PUS3: variants seen among roughly 807,000 people sequenced by gnomAD.
The protein encoded by PUS3 is pseudouridine synthase 3, also known as tRNA pseudouridine(38/39) synthase.
In PUS3, 36 loss-of-function variants were observed where a neutral mutation model predicts 43.3. The observed-to-expected ratio is 0.83, with a 90% CI of 0.64 to 1.10. PUS3 has a LOEUF of 1.10. PUS3 is among the 50% of genes least tolerant of loss of function. PUS3 has a pLI of 0.00. For missense variants in PUS3, 544 were observed against 589.9 expected, an observed-to-expected ratio of 0.92 and a Z score of 0.81; for synonymous variants, 183 against 199.2, an observed-to-expected ratio of 0.92 and a Z score of 0.69.
In PUS3 at chr11:125,895,734, A is replaced by C. The variant is rs956739630; in HGVS notation, c.434T>G (p.Phe145Cys). Residue 145 changes from phenylalanine (F) to cysteine (C), a missense_variant, in exon 3 of 4, where the codon TTT becomes TGT. By Grantham distance (205) the Phe-to-Cys change is radical. Transcript: ENST00000227474. The part of the protein sequence containing the change: ...QFPRGRDSED[F>C]NVKEEANAAA... ...AGCATTAGCCTCCTCTTTTACATTA[A>C]AGTCCTCGGAATCCCTGCCCCTTGG... The C allele has an allele frequency of 6.2e-7, 1 of 1,611,888 alleles. No individual in the cohort carries two copies. Among genetic ancestry groups the C allele is most frequent in the African/African-American group, 1.3e-5 (1 of 74,866 alleles).
chr11:125,893,906 A>G lies in PUS3; in HGVS notation c.1325T>C (p.Phe442Ser). The change falls in exon 4 of 4, where the codon TTC becomes TCC. Residue 442 changes from phenylalanine to serine, a missense_variant. Transcript: ENST00000227474. Reference protein sequence around the residue: ...RRGRIEHPHLFHEEETKAKRD... With the variant: ...RRGRIEHPHLSHEEETKAKRD... ...TTTGGCTTTTGTTTCTTCCTCATGGAATAAATGTGGGTGCTCAATTCGTCC... is the reference window on the plus strand; with the variant it reads ...TTTGGCTTTTGTTTCTTCCTCATGGGATAAATGTGGGTGCTCAATTCGTCC... 6.2e-7 allele frequency: 1 copy of G among 1,614,144 alleles called. No homozygotes were observed. The highest frequency in any genetic ancestry group is 8.5e-7 in the Non-Finnish European group (1 of 1,180,020).
chr11:125,902,022 A>G (rs1944786361), intron 1 of PUS3, among the ~76,000 whole-genome samples: 1 of 152,230 alleles, frequency 6.6e-6, no homozygotes, highest in African/African-American at 2.4e-5. Context: ...TCAAAGTCCA[A>G]CATTACCAAA....
chr11:125,897,097 T>G (rs1944612963), intron 1 of PUS3, among the ~76,000 whole-genome samples: 1 of 152,204 alleles, frequency 6.6e-6, no homozygotes, highest in Non-Finnish European at 1.5e-5. Context: ...AGGACAACTG[T>G]ACTACATCCT....
Position 125,903,155 on chromosome 11 carries a change from A to C in PUS3, c.-47+15T>G. On this transcript the variant is annotated intron_variant, in intron 1 of 3. Coordinates refer to ENST00000227474, the MANE Select transcript of PUS3 (RefSeq NM_031307.4). ...GAACCCAGAAAGTAACCCACTCCAA[A>C]AATCCCACACTTACTTTCCGGCAGC... 2.0e-6 allele frequency: 2 copies of C among 984,964 alleles called. No homozygotes were observed. The highest frequency in any genetic ancestry group is 2.4e-6 in the Non-Finnish European group (2 of 829,464). The allele number at this position is 984,964 out of a possible 1,614,324, so 61.0% of individuals were successfully genotyped here.
In PUS3 at chr11:125,893,917, G is replaced by C; in HGVS notation, c.1314C>G (p.His438Gln). 3 of 1,614,084 alleles carry C rather than the reference G, an allele frequency of 1.9e-6. No individual in the cohort carries two copies. In the South Asian group the frequency reaches 3.3e-5, roughly 18 times the overall value. The change falls in exon 4 of 4, where the codon CAC (histidine) becomes CAG (glutamine). Residue 438 changes from histidine to glutamine, a missense_variant. His to Gln is a conservative substitution (Grantham distance 24). Transcript: ENST00000227474. ...TTTCTTCCTCATGGAATAAATGTGG[G>C]TGCTCAATTCGTCCCCTACGTACAA... ...QHFVRRGRIE[H>Q]PHLFHEEETK...
chr11:125,899,395 A>G (rs1380317389), intron 1 of PUS3: 1 of 1,614,148 alleles, frequency 6.2e-7, no homozygotes, highest in South Asian at 1.1e-5. Flanking sequence ...CTGATGGACA[A>G]ATATGGGCTA....
At position 125,895,679 on chromosome 11, in the gene PUS3, A is replaced by C. The variant is rs1452432184; in HGVS notation, c.489T>G (p.Ile163Met). The part of the protein sequence containing the change: ...AAAEEIRYTH[I>M]LNRVLPPDIR... ...TGTCTGGAGGGAGTACCCGATTGAG[A>C]ATGTGGGTATAACGGATCTCTTCAG... Residue 163 changes from isoleucine to methionine, a missense_variant, in exon 3 of 4, where the codon ATT (isoleucine) becomes ATG (methionine). By Grantham distance (10) the Ile-to-Met change is conservative. Coordinates refer to ENST00000227474, the MANE Select transcript of PUS3 (RefSeq NM_031307.4). The C allele has an allele frequency of 1.2e-6, 2 of 1,613,914 alleles. No homozygotes were observed. The highest frequency in any genetic ancestry group is 2.7e-5 in the African/African-American group (2 of 74,894).
chr11:125,899,638 A>G, intron 1 of PUS3: 1 of 1,614,204 alleles, frequency 6.2e-7, no homozygotes, highest in Non-Finnish European at 8.5e-7. Context: ...AAAGACTCCG[A>G]AAGCCAGTGA....
chr11:125,895,001 A>G (rs1215942490), intron 3 of PUS3, among the ~76,000 whole-genome samples: 1 of 152,034 alleles, frequency 6.6e-6, no homozygotes, highest in Non-Finnish European at 1.5e-5. Context: ...AGGCAGAATC[A>G]GTGACTTCGT....
chr11:125,902,987 C>CTTTT (rs1944818706), intron 1 of PUS3, among the ~76,000 whole-genome samples, 183 bp downstream of exon 1: 1 of 151,912 alleles, frequency 6.6e-6, no homozygotes, highest in Admixed American at 6.5e-5. Context: ...GTACCAGGCA[C>CTTTT]AAAAGAAAAA....
chr11:125,896,478 C>A, intron 1 of PUS3, 148 bp from the exon 2 acceptor site: 1 of 595,342 alleles, frequency 1.7e-6, no homozygotes, highest in Non-Finnish European at 2.9e-6. Context: ...GGTTGATCAT[C>A]CACAGATAGC....
At chr11:125,896,384 G>T in intron 1 of PUS3, 54 bp from the exon 2 acceptor site, 1 of 1,159,214 alleles carries the variant, frequency 8.6e-7, no homozygotes, top group Non-Finnish European at 1.2e-6. Context: ...CTTTGATGAT[G>T]TTCTAATGGT....
rs1565453352 is a variant in PUS3 at position 125,895,587 on chromosome 11, G to C, written c.581C>G (p.Thr194Ser). The C allele has an allele frequency of 6.2e-7, 1 of 1,614,222 alleles. No individual in the cohort carries two copies. Among genetic ancestry groups the C allele is most frequent in the African/African-American group, 1.3e-5 (1 of 75,076 alleles). Residue 194 changes from threonine to serine, a missense_variant, in exon 3 of 4, where the codon ACT (threonine) becomes AGT (serine). Coordinates refer to ENST00000227474, the MANE Select transcript of PUS3 (RefSeq NM_031307.4). ...FSARFSCLER[T>S]YRYFFPRADL... The stretch of plus-strand genomic sequence containing the variant: ...AGCACGAGGGAAAAAATAGCGGTAA[G>C]TCCGCTCAAGGCAGCTGAACCTAGC...
At chr11:125,901,629 A>G (rs1944776022) in intron 1 of PUS3, among the ~76,000 whole-genome samples, 1 of 152,212 alleles carries the variant, frequency 6.6e-6, no homozygotes. Flanking sequence ...AAGCCACATA[A>G]TTCACACATT....
In PUS3 at chr11:125,900,073, G is replaced by C. The variant is rs1000616545; in HGVS notation, c.-47+3097C>G. ...GTTTACCTGGTGAAGATCATAGAAA[G>C]GAATTACGCTGGGGTGTCCGAGAGC... On this transcript the variant is annotated intron_variant, in intron 1 of 3. Coordinates refer to ENST00000227474, the MANE Select transcript of PUS3 (RefSeq NM_031307.4). The C allele has an allele frequency of 2.5e-6, 4 of 1,614,076 alleles. No individual in the cohort carries two copies. The African/African-American group carries it at 5.3e-5, about 22-fold the overall frequency.
intron 1 of PUS3, chr11:125,899,895 G>A: frequency 6.2e-7 from 1 of 1,614,192 alleles, no homozygotes; most frequent in Non-Finnish European, 8.5e-7. Flanking sequence ...CAAAGAGAAG[G>A]AATGGGCTCT....
chr11:125,903,193 G>A lies in PUS3; in HGVS notation c.-70C>T. The A allele has an allele frequency of 1.0e-6, 1 of 985,490 alleles. No individual in the cohort carries two copies. Among genetic ancestry groups the A allele is most frequent in the Non-Finnish European group, 1.2e-6 (1 of 829,952 alleles). The allele number at this position is 985,490 out of a possible 1,614,324, so 61.0% of individuals were successfully genotyped here. A position where few individuals can be genotyped will look rare whatever the true frequency, so the allele number is the denominator to read the frequency against. ...ACTTTCCGGCAGCCGGCCGCGCCGC[G>A]TTTCCGAGAAAGGAAGCTGTCACTG... On this transcript the variant is annotated 5_prime_UTR_variant, in exon 1 of 4. The change creates a new upstream start codon in the 5' untranslated region. Coordinates refer to ENST00000227474, the MANE Select transcript of PUS3 (RefSeq NM_031307.4).
chr11:125,903,061 G>T, intron 1 of PUS3, 109 bp downstream of exon 1: 1 of 406,512 alleles, frequency 2.5e-6, no homozygotes, highest in Non-Finnish European at 3.3e-6. Flanking sequence ...ACCAAAGTAT[G>T]TGAAAGAGGG....
chr11:125,900,420 A>G, intron 1 of PUS3: 4 of 697,146 alleles, frequency 5.7e-6, no homozygotes, highest in South Asian at 5.5e-5. Context: ...TATATATCAC[A>G]TTGGTATCAG....
Sources: gnomAD v4.1 joint callset for allele counts (sites outside exome capture counted in the v4.1 genomes callset) on GRCh38, gnomAD v4.1.1 for gene constraint, MANE v1.5 for transcripts, NCBI Gene and HGNC (gene_info 2026-07-23, HGNC 2026-07-21) for gene names.